FHIT: variants seen among roughly 807,000 people sequenced by gnomAD.
FHIT encodes bis(5'-adenosyl)-triphosphatase.
Under a neutral mutation model 17.9 loss-of-function variants are expected in FHIT, and 19 were observed. The observed-to-expected ratio is 1.06, with a 90% CI of 0.74 to 1.56. The LOEUF (loss-of-function observed/expected upper bound fraction) is 1.56, where lower values mean the gene tolerates loss of function less well. FHIT is among the 40% of genes most tolerant of loss of function. FHIT has a pLI of 0.00. For synonymous variants in FHIT, 81 were observed against 69.7 expected (o/e 1.16, Z -0.81); for missense variants, 248 against 189.2 (o/e 1.31, Z -1.82).
At chr3:59,922,175 T>C (rs1424030200) in intron 8 of FHIT, among the ~76,000 whole-genome samples, 171 bp downstream of exon 8, 3 of 152,180 alleles carry the variant, frequency 2.0e-5, no homozygotes, top group Admixed American at 2.0e-4. Context: ...TAGTCATGGG[T>C]TCCCACGATG....
chr3:59,828,407 G>T (rs560089634), intron 8 of FHIT, among the ~76,000 whole-genome samples: 1 of 152,312 alleles, frequency 6.6e-6, no homozygotes, highest in South Asian at 2.1e-4. Flanking sequence ...TTGGTTTTCT[G>T]CTATAACTCT....
At chr3:61,101,451 T>C (rs768777693) in intron 2 of FHIT, among the ~76,000 whole-genome samples, 4 of 152,204 alleles carry the variant, frequency 2.6e-5, no homozygotes, top group Non-Finnish European at 5.9e-5. Context: ...CGTGATGTTT[T>C]GGTTACTGCA....
intron 3 of FHIT, among the ~76,000 whole-genome samples, chr3:60,974,833 T>C (rs970185796): frequency 5.9e-4 from 90 of 152,160 alleles, no homozygotes; most frequent in African/African-American, 2.0e-3. Context: ...CTGAAATTTA[T>C]CAATAATATC....
chr3:61,087,619 G>A (rs1000864682), intron 2 of FHIT, among the ~76,000 whole-genome samples: 3 of 152,174 alleles, frequency 2.0e-5, no homozygotes, highest in Non-Finnish European at 4.4e-5. Context: ...TGCTCATGAT[G>A]ATAATGATGA....
At chr3:60,696,115 A>C (rs1480077394) in intron 4 of FHIT, among the ~76,000 whole-genome samples, 4 of 152,092 alleles carry the variant, frequency 2.6e-5, no homozygotes, top group Non-Finnish European at 5.9e-5. Flanking sequence ...TAAAAGAAGA[A>C]AGGAAGGAAG....
intron 3 of FHIT, among the ~76,000 whole-genome samples, chr3:60,939,903 C>T (rs1382595342): frequency 6.6e-6 from 1 of 152,032 alleles, no homozygotes; most frequent in East Asian, 1.9e-4. Flanking sequence ...GAATTTTAGA[C>T]TGGTTTCCAT....
intron 2 of FHIT, among the ~76,000 whole-genome samples, chr3:61,178,800 C>T: frequency 6.6e-6 from 1 of 151,944 alleles, no homozygotes. Context: ...GTATAAATCA[C>T]TGTCAAATTT....
At chr3:60,850,513 C>G (rs544116905) in intron 3 of FHIT, among the ~76,000 whole-genome samples, 1 of 152,218 alleles carries the variant, frequency 6.6e-6, no homozygotes, top group South Asian at 2.1e-4. Context: ...TAATAGCTCT[C>G]ATTGCATCCC....
intron 5 of FHIT, among the ~76,000 whole-genome samples, chr3:60,066,878 T>C (rs531356730): frequency 2.0e-5 from 3 of 152,000 alleles, no homozygotes; most frequent in African/African-American, 7.2e-5. Flanking sequence ...TCTCCTGACC[T>C]TGTGATCCGC....
chr3:59,999,851 G>A (rs773719219), intron 7 of FHIT, among the ~76,000 whole-genome samples: 4 of 151,948 alleles, frequency 2.6e-5, no homozygotes, highest in Non-Finnish European at 2.9e-5. Context: ...CAGGTAATCC[G>A]CCCACCTCAG....
chr3:60,491,654 T>TAC (rs1043904966), intron 5 of FHIT, among the ~76,000 whole-genome samples: 4 of 152,240 alleles, frequency 2.6e-5, no homozygotes, highest in African/African-American at 9.6e-5. Context: ...AATGAACATC[T>TAC]ACAGCTGGAG....
At chr3:60,797,723 A>C (rs1559730720) in intron 4 of FHIT, among the ~76,000 whole-genome samples, 1 of 150,232 alleles carries the variant, frequency 6.7e-6, no homozygotes, top group Non-Finnish European at 1.5e-5. Context: ...GGCATTGAAC[A>C]CAAAACTAGA....
At chr3:60,101,744 T>C (rs906091135) in intron 5 of FHIT, among the ~76,000 whole-genome samples, 1 of 152,148 alleles carries the variant, frequency 6.6e-6, no homozygotes, top group African/African-American at 2.4e-5. Flanking sequence ...AATTAACGAA[T>C]GCCAAGTTCC....
intron 3 of FHIT, among the ~76,000 whole-genome samples, chr3:60,941,084 A>C (rs762119416): frequency 1.3e-5 from 2 of 152,220 alleles, no homozygotes; most frequent in African/African-American, 2.4e-5. Context: ...TCAGTATACA[A>C]ATATAATGGA....
At chr3:60,361,429 C>T (rs1212868672) in intron 5 of FHIT, among the ~76,000 whole-genome samples, 1 of 152,052 alleles carries the variant, frequency 6.6e-6, no homozygotes, top group African/African-American at 2.4e-5. Context: ...TAAAAGACAC[C>T]CCCACCAACT....
intron 5 of FHIT, among the ~76,000 whole-genome samples, chr3:60,026,296 G>A (rs1048024072): frequency 6.8e-6 from 1 of 147,700 alleles, no homozygotes; most frequent in African/African-American, 2.6e-5. Flanking sequence ...ACAAATAAAA[G>A]CTGAACGAAT....
chr3:61,096,595 G>C (rs1014157039), intron 2 of FHIT, among the ~76,000 whole-genome samples: 1 of 152,164 alleles, frequency 6.6e-6, no homozygotes, highest in African/African-American at 2.4e-5. Flanking sequence ...ATGAACAACT[G>C]TCTGGGTTTC....
intron 5 of FHIT, among the ~76,000 whole-genome samples, chr3:60,130,601 A>C (rs1699500091): frequency 6.6e-6 from 1 of 151,884 alleles, no homozygotes; most frequent in Non-Finnish European, 1.5e-5. Context: ...AACACTGGGC[A>C]TGTGACCTAT....
rs74910736 is a variant in FHIT, at chr3:60,779,715, C to T, written c.-18+42204G>A. 8.3e-3 allele frequency among the ~76,000 whole-genome samples: 1,268 copies of T among 151,970 alleles called. 18 individuals carry two copies. Among genetic ancestry groups the T allele is most frequent in the East Asian group, 0.029 (150 of 5,166 alleles). Reference sequence around the variant, plus strand: ...TTTTTGTCCCAGACTGAATTCCAAGCTTCACATCAAAGCCTTAGGAAGGAA... The same window carrying T: ...TTTTTGTCCCAGACTGAATTCCAAGTTTCACATCAAAGCCTTAGGAAGGAA... On this transcript the variant is annotated intron_variant, in intron 4 of 9. Transcript: ENST00000492590.
Sources: gnomAD v4.1 joint callset for allele counts (sites outside exome capture counted in the v4.1 genomes callset) on GRCh38, gnomAD v4.1.1 for gene constraint, MANE v1.5 for transcripts, NCBI Gene and HGNC (gene_info 2026-07-23, HGNC 2026-07-21) for gene names.